The following PRKAR2A variants were observed in gnomAD, a reference collection of about 807,000 sequenced individuals.
PRKAR2A encodes cAMP-dependent protein kinase type II-alpha regulatory subunit.
PRKAR2A carries 29 observed loss-of-function variants against 51.9 expected under a neutral mutation model. The ratio of observed to expected loss-of-function variants is 0.56; its 90% confidence interval spans 0.42 to 0.76. The LOEUF (loss-of-function observed/expected upper bound fraction) is 0.76. Among genes scored for constraint, PRKAR2A ranks in the 30% least tolerant of loss-of-function variants. The pLI is 0.00. For missense variants in PRKAR2A, 445 were observed against 512.1 expected (o/e 0.87, Z 1.26); for synonymous variants, 178 against 186.2 (o/e 0.96, Z 0.36).
intron 1 of PRKAR2A, among the ~76,000 whole-genome samples, chr3:48,829,377 C>T (rs962620258): frequency 2.7e-5 from 4 of 150,610 alleles, no homozygotes; most frequent in Non-Finnish European, 5.9e-5. Context: ...AAATTAGCTG[C>T]GCATGGTGGC....
At chr3:48,761,963 C>T (rs2081868982) in intron 8 of PRKAR2A, among the ~76,000 whole-genome samples, 2 of 152,146 alleles carry the variant, frequency 1.3e-5, no homozygotes. Flanking sequence ...CATATTATTT[C>T]TATTGAATAG....
intron 3 of PRKAR2A, 25 bp downstream of exon 3, chr3:48,793,972 C>T (rs1169127439): frequency 6.4e-7 from 1 of 1,556,768 alleles, no homozygotes; most frequent in Admixed American, 1.7e-5. Context: ...ACAATTCTAC[C>T]TAACATCTTT....
intron 1 of PRKAR2A, among the ~76,000 whole-genome samples, chr3:48,817,222 G>T (rs1195388473): frequency 6.6e-6 from 1 of 151,814 alleles, no homozygotes; most frequent in Non-Finnish European, 1.5e-5. Context: ...ACCGATTCGG[G>T]AGGCTGAGGC....
At chr3:48,757,260 T>C (rs2081786349) in intron 8 of PRKAR2A, among the ~76,000 whole-genome samples, 1 of 152,172 alleles carries the variant, frequency 6.6e-6, no homozygotes, top group Non-Finnish European at 1.5e-5. Context: ...CCTTTTTGTT[T>C]AGATAGGTGT....
intron 1 of PRKAR2A, among the ~76,000 whole-genome samples, chr3:48,845,297 T>C (rs893928048): frequency 1.2e-4 from 18 of 152,162 alleles, no homozygotes; most frequent in African/African-American, 4.3e-4. Context: ...TAATGTGCAA[T>C]AAATCAAGGG....
rs1464773666 is a variant in PRKAR2A at position 48,840,715 on chromosome 3, T to C, written c.262+6620A>G. On this transcript the variant is annotated intron_variant, in intron 1 of 10. Coordinates refer to ENST00000265563, the MANE Select transcript of PRKAR2A (RefSeq NM_004157.4). ...CCTCAGCCTCCCGAGTAGCTGGGACTACAGGCACCCGCCACCACGCCCGGC... is the reference window on the plus strand; with the variant it reads ...CCTCAGCCTCCCGAGTAGCTGGGACCACAGGCACCCGCCACCACGCCCGGC... Among the ~76,000 whole-genome samples the C allele has an allele frequency of 3.4e-5, 5 of 147,480 alleles. No individual in the cohort carries two copies. In the East Asian group the frequency reaches 1.0e-3, roughly 31 times the overall value.
chr3:48,765,223 CA>C lies in PRKAR2A; in HGVS notation c.798+24del, dbSNP rs749136907. ...AAAAGCTTTTCCTGATCCCCATGAA[CA>C]GATTCTTATTCAAGCCACTTTACCT... On this transcript the variant is annotated intron_variant, in intron 7 of 10. Transcript: ENST00000265563. 3 of 1,578,736 alleles carry C rather than the reference CA, an allele frequency of 1.9e-6. No individual in the cohort carries two copies. In the South Asian group the frequency reaches 3.4e-5, roughly 18 times the overall value.
chr3:48,792,146 T>C (rs2082399491), intron 3 of PRKAR2A, among the ~76,000 whole-genome samples: 1 of 151,870 alleles, frequency 6.6e-6, no homozygotes, highest in Non-Finnish European at 1.5e-5. Context: ...CACTAAAGTT[T>C]TGGTTTTTTT....
At chr3:48,744,974 A>T (rs769688883), downstream of PRKAR2A, among the ~76,000 whole-genome samples, 8 of 151,794 alleles carry the variant, frequency 5.3e-5, no homozygotes, top group African/African-American at 9.7e-5. Context: ...TCCTGGGTTC[A>T]AGCAATTCTC....
chr3:48,754,169 G>T (rs962286599), intron 9 of PRKAR2A, among the ~76,000 whole-genome samples: 1 of 151,694 alleles, frequency 6.6e-6, no homozygotes, highest in Non-Finnish European at 1.5e-5. Context: ...CAAAGTGCTG[G>T]AATTACAAGC....
At chr3:48,774,092 C>A (rs2082070410) in intron 5 of PRKAR2A, among the ~76,000 whole-genome samples, 1 of 152,028 alleles carries the variant, frequency 6.6e-6, no homozygotes, top group South Asian at 2.1e-4. Flanking sequence ...CTCAGCCTCC[C>A]AAAGTACTGG....
chr3:48,795,374 C>A (rs1292420592), intron 2 of PRKAR2A, among the ~76,000 whole-genome samples: 1 of 151,590 alleles, frequency 6.6e-6, no homozygotes, highest in Non-Finnish European at 1.5e-5. Context: ...AAACGAAGTA[C>A]AAAGAAAAAA....
intron 2 of PRKAR2A, among the ~76,000 whole-genome samples, chr3:48,801,657 G>A (rs959487902): frequency 2.6e-5 from 4 of 152,110 alleles, no homozygotes; most frequent in African/African-American, 9.7e-5. Context: ...GAATGCAGTG[G>A]TGCGATCTCA....
chr3:48,780,174 A>G (rs2082171611), intron 5 of PRKAR2A, among the ~76,000 whole-genome samples: 1 of 151,984 alleles, frequency 6.6e-6, no homozygotes, highest in African/African-American at 2.4e-5. Flanking sequence ...AAAAAAAAAC[A>G]AAAAAACCTA....
chr3:48,799,960 A>G (rs1233359415), intron 2 of PRKAR2A, among the ~76,000 whole-genome samples: 1 of 152,010 alleles, frequency 6.6e-6, no homozygotes, highest in Non-Finnish European at 1.5e-5. Context: ...CCCAGGTTCA[A>G]GCAATTCTCC....
At chr3:48,799,207 T>G (rs1178177049) in intron 2 of PRKAR2A, among the ~76,000 whole-genome samples, 6 of 152,142 alleles carry the variant, frequency 3.9e-5, no homozygotes, top group Admixed American at 3.9e-4. Context: ...ACCTCAAACA[T>G]TATATTGTGT....
Position 48,773,047 on chromosome 3 carries a change from T to C in PRKAR2A, c.604A>G (p.Asn202Asp). The stretch of plus-strand genomic sequence containing the variant: ...GCTAGTTCTCCAAAACTGCCACGGT[T>C]GTCATATTGACCAACAGAGCGGGTT... ...NQTRSVGQYD[N>D]RGSFGELALM... The change falls in exon 6 of 11, where the codon AAC (asparagine) becomes GAC (aspartate). Residue 202 changes from asparagine (N) to aspartate (D), a missense_variant. Physicochemically the swap from Asn to Asp is conservative, Grantham distance 23. Coordinates refer to ENST00000265563, the MANE Select transcript of PRKAR2A (RefSeq NM_004157.4). The C allele has an allele frequency of 6.2e-7, 1 of 1,613,902 alleles. No individual in the cohort carries two copies.
At position 48,816,690 on chromosome 3, in the gene PRKAR2A, C is replaced by T. The variant is rs760709755; in HGVS notation, c.263-9006G>A. 2.4e-4 allele frequency among the ~76,000 whole-genome samples: 36 copies of T among 152,200 alleles called. No homozygotes were observed. In the East Asian group the frequency reaches 2.5e-3, roughly 11 times the overall value. On this transcript the variant is annotated intron_variant, in intron 1 of 10. Transcript: ENST00000265563. ...TATACAAATTATCCTATCCAAACTTCAGCCTGCAGATAGTCTCTCAACAGC... is the reference window on the plus strand; with the variant it reads ...TATACAAATTATCCTATCCAAACTTTAGCCTGCAGATAGTCTCTCAACAGC...
intron 2 of PRKAR2A, among the ~76,000 whole-genome samples, chr3:48,803,223 G>A (rs565421881): frequency 4.6e-5 from 7 of 152,228 alleles, no homozygotes; most frequent in Middle Eastern, 3.4e-3. Context: ...AGACCAGCCT[G>A]GGCAACAAAG....
Sources: gnomAD v4.1 joint callset for allele counts (sites outside exome capture counted in the v4.1 genomes callset) on GRCh38, gnomAD v4.1.1 for gene constraint, MANE v1.5 for transcripts, NCBI Gene and HGNC (gene_info 2026-07-23, HGNC 2026-07-21) for gene names.